The following NCF4 variants were observed in gnomAD, a reference collection of about 807,000 sequenced individuals.
NCF4 encodes neutrophil cytosol factor 4.
In NCF4, 30 loss-of-function variants were observed where a neutral mutation model predicts 41.7. The observed-to-expected ratio is 0.72, with a 90% confidence interval of 0.54 to 0.97. NCF4 has a LOEUF of 0.97. Among genes scored for constraint, NCF4 ranks in the 50% least tolerant of loss-of-function variants. The probability of loss-of-function intolerance (pLI) is 0.00; values close to 1 mark genes in which losing one functional copy is unlikely to be tolerated. For missense variants in NCF4, 432 were observed against 460.9 expected (o/e 0.94, Z 0.57); for synonymous variants, 195 against 175.8 (o/e 1.11, Z -0.87).
chr22:36,866,597 T>C (rs1939932472), intron 3 of NCF4, among the ~76,000 whole-genome samples: 1 of 152,266 alleles, frequency 6.6e-6, no homozygotes, highest in African/African-American at 2.4e-5. Context: ...TCCCAATGTC[T>C]AGCTCTAGCC....
chr22:36,867,869 G>T (rs986517364), intron 4 of NCF4, among the ~76,000 whole-genome samples: 17 of 152,194 alleles, frequency 1.1e-4, no homozygotes, highest in African/African-American at 3.1e-4. Context: ...CATCATGGGG[G>T]TGTGGCCAAG....
At chr22:36,874,328 G>A (rs1940145860) in intron 7 of NCF4, among the ~76,000 whole-genome samples, 1 of 152,226 alleles carries the variant, frequency 6.6e-6, no homozygotes, top group Non-Finnish European at 1.5e-5. Flanking sequence ...GGGGAGTGTT[G>A]AAGGAGGTTC....
chr22:36,868,750 A>G (rs1569112758), intron 4 of NCF4, among the ~76,000 whole-genome samples: 1 of 152,190 alleles, frequency 6.6e-6, no homozygotes, highest in Non-Finnish European at 1.5e-5. Context: ...CTTAGCAACC[A>G]GCAGCCCAGA....
chr22:36,872,501 G>A (rs1194553531), intron 7 of NCF4, 76 bp downstream of exon 7: 2 of 1,270,194 alleles, frequency 1.6e-6, no homozygotes, highest in Non-Finnish European at 2.3e-6. Context: ...ATAGAGGTGA[G>A]GGTGGAAGTG....
intron 9 of NCF4, 152 bp from the exon 10 acceptor site, chr22:36,877,476 T>A: frequency 1.3e-6 from 1 of 793,132 alleles, no homozygotes; most frequent in South Asian, 1.5e-5. Context: ...ATCTGTACAA[T>A]GGGAGGTTAG....
rs199686562 is a variant in NCF4, at chr22:36,877,743, C to A, written c.940C>A (p.Pro314Thr). 1.9e-6 allele frequency: 3 copies of A among 1,614,064 alleles called. No individual in the cohort carries two copies. The change falls in exon 10 of 10, where the codon CCC becomes ACC. Residue 314 changes from proline (P) to threonine (T), a missense_variant. Pro to Thr is a conservative substitution (Grantham distance 38). Transcript: ENST00000248899. ...CATGGTGCGGCAGGCTCGTGGCCTC[C>A]CCTCCCAGAAGCGCCTCTTCCCCTG... The part of the protein sequence containing the change: ...ALMVRQARGL[P>T]SQKRLFPWKL...
intron 9 of NCF4, among the ~76,000 whole-genome samples, chr22:36,876,881 T>G (rs1276338706): frequency 6.6e-6 from 1 of 152,236 alleles, no homozygotes; most frequent in African/African-American, 2.4e-5. Context: ...GTGAAATTAC[T>G]GGTAGAAAGC....
chr22:36,874,586 G>A (rs146097511), intron 7 of NCF4, among the ~76,000 whole-genome samples: 207 of 152,294 alleles, frequency 1.4e-3, no homozygotes, highest in Non-Finnish European at 2.1e-3. Flanking sequence ...CCTGTTTTCC[G>A]GAAAGTCCTA....
intron 5 of NCF4, among the ~76,000 whole-genome samples, chr22:36,871,260 C>A (rs1940048842): frequency 2.0e-5 from 3 of 152,252 alleles, no homozygotes; most frequent in Admixed American, 1.3e-4. Context: ...GAGCAAGGCA[C>A]TTCACCTCTC....
At chr22:36,871,122 A>G (rs1940045349) in intron 5 of NCF4, among the ~76,000 whole-genome samples, 2 of 152,208 alleles carry the variant, frequency 1.3e-5, no homozygotes, top group Non-Finnish European at 2.9e-5. Context: ...TGAGCTCCCC[A>G]CCAGCTCCTC....
At chr22:36,876,454 C>T (rs1940196085) in intron 9 of NCF4, among the ~76,000 whole-genome samples, 1 of 152,174 alleles carries the variant, frequency 6.6e-6, no homozygotes, top group African/African-American at 2.4e-5. Flanking sequence ...AGAATGGTAA[C>T]CGCATTGCTA....
intron 7 of NCF4, among the ~76,000 whole-genome samples, chr22:36,873,081 T>C (rs1314250732): frequency 6.7e-6 from 1 of 148,756 alleles, no homozygotes; most frequent in Non-Finnish European, 1.5e-5. Flanking sequence ...GAGGTGAGGA[T>C]GGAGGTGAGA....
intron 7 of NCF4, among the ~76,000 whole-genome samples, chr22:36,873,997 T>C (rs1378693248): frequency 1.3e-5 from 2 of 152,250 alleles, no homozygotes; most frequent in African/African-American, 4.8e-5. Flanking sequence ...TGTGGACCTT[T>C]GGAAACTTGC....
At position 36,864,134 on chromosome 22, in the gene NCF4, G is replaced by A; in HGVS notation, c.117+5G>A. 6.2e-7 allele frequency: 1 copy of A among 1,609,404 alleles called. No homozygotes were observed. The highest frequency in any genetic ancestry group is 8.5e-7 in the Non-Finnish European group (1 of 1,175,820). On this transcript the variant is annotated splice_donor_5th_base_variant and intron_variant, in intron 2 of 9. Coordinates refer to ENST00000248899, the MANE Select transcript of NCF4 (RefSeq NM_000631.5). ...AGAGGCTTCACCAGCCACTTTGTAA[G>A]ACAGACTCCTAGTCCTTCACCCAAC... is the stretch of plus-strand genomic sequence containing the variant.
intron 4 of NCF4, chr22:36,870,189 C>T (rs1940018957): frequency 1.6e-6 from 1 of 621,144 alleles, no homozygotes; most frequent in Admixed American, 2.6e-5. Context: ...TTCTCAAGCC[C>T]CTGGTCCCTC....
chr22:36,865,509 T>C lies in NCF4; in HGVS notation c.271+437T>C, dbSNP rs1939906407. ...TCTTGGCTTCCAGCGTCCCTGTGGC[T>C]CTCCTTCTTCTCCTGTCCCGCCAGG... is the stretch of plus-strand genomic sequence containing the variant. On this transcript the variant is annotated intron_variant, in intron 3 of 9. Transcript: ENST00000248899. This position sits in a 1 kb window ranked among gnomAD's most constrained non-coding sequence, Gnocchi z 4.3. 1.3e-5 allele frequency among the ~76,000 whole-genome samples: 2 copies of C among 152,020 alleles called. No individual in the cohort carries two copies. The highest frequency in any genetic ancestry group is 1.5e-5 in the Non-Finnish European group (1 of 67,984).
In NCF4 at chr22:36,865,661, T is replaced by C. The variant is rs1191006016; in HGVS notation, c.271+589T>C. ...GCCAAGCCCTTAGCTGCTCAGCACC[T>C]GCCCCGCAGGAGGAAACCCCATCAC... On this transcript the variant is annotated intron_variant, in intron 3 of 9. Transcript: ENST00000248899. The surrounding 1 kb of genome is among the most constrained non-coding windows in gnomAD (Gnocchi z 4.3). 6.6e-6 allele frequency among the ~76,000 whole-genome samples: 1 copy of C among 152,144 alleles called. No individual in the cohort carries two copies. Among genetic ancestry groups the C allele is most frequent in the Non-Finnish European group, 1.5e-5 (1 of 68,020 alleles).
Position 36,861,160 on chromosome 22 carries a change from C to G in NCF4, c.-12C>G. On this transcript the variant is annotated 5_prime_UTR_variant, in exon 1 of 10. Transcript: ENST00000248899. ...GAGACTCTCCACCTGCTCCCTGGGA[C>G]CATCGCCCACCATGGCTGTGGCCCA... 6.4e-7 allele frequency: 1 copy of G among 1,551,468 alleles called. No individual in the cohort carries two copies. Among genetic ancestry groups the G allele is most frequent in the Non-Finnish European group, 8.7e-7 (1 of 1,146,818 alleles).
intron 7 of NCF4, among the ~76,000 whole-genome samples, chr22:36,872,826 G>A (rs36192244): frequency 0.66 from 91,090 of 137,986 alleles, 31,684 homozygotes; most frequent in Admixed American, 0.75. Context: ...GTGAAGGTGA[G>A]GATGGAGGTA....
Sources: allele counts gnomAD v4.1 joint callset (sites outside exome capture counted in the v4.1 genomes callset), GRCh38; gene constraint gnomAD v4.1.1; non-coding constraint Gnocchi (gnomAD v3.1); transcripts MANE v1.5; gene names NCBI Gene and HGNC (gene_info 2026-07-23, HGNC 2026-07-21).